The following ST7 variants were observed in gnomAD, a reference collection of about 807,000 sequenced individuals.
ST7 encodes the protein suppressor of tumorigenicity 7 protein.
Under a neutral mutation model 78.7 loss-of-function variants are expected in ST7, and 28 were observed. The ratio of observed to expected loss-of-function variants is 0.36; its 90% CI spans 0.26 to 0.49. ST7 has a LOEUF of 0.49. Among genes scored for constraint, ST7 ranks in the 20% least tolerant of loss-of-function variants. The pLI is 0.99. For synonymous variants in ST7, 247 were observed against 249.6 expected (o/e 0.99, Z 0.10); for missense variants, 418 against 696.0 (o/e 0.60, Z 4.49).
intron 12 of ST7, among the ~76,000 whole-genome samples, chr7:117,194,925 C>A (rs905287360): frequency 2.6e-5 from 4 of 152,116 alleles, no homozygotes; most frequent in Non-Finnish European, 4.4e-5. Context: ...CCTTTCACTG[C>A]GAGGAGACAC....
intron 1 of ST7, among the ~76,000 whole-genome samples, chr7:116,970,116 CA>C (rs143823862): frequency 6.6e-6 from 1 of 151,810 alleles, no homozygotes; most frequent in African/African-American, 2.4e-5. Flanking sequence ...ACAAAAACAA[CA>C]AAAAAAGGAA....
intron 9 of ST7, among the ~76,000 whole-genome samples, chr7:117,154,660 C>T (rs957160820): frequency 2.6e-5 from 4 of 152,152 alleles, no homozygotes; most frequent in African/African-American, 9.7e-5. Context: ...GAGGTAAATC[C>T]TGGAGGTTTA....
chr7:117,047,719 T>G (rs919913562), intron 1 of ST7, among the ~76,000 whole-genome samples: 1 of 152,182 alleles, frequency 6.6e-6, no homozygotes, highest in Non-Finnish European at 1.5e-5. Context: ...GCTGGGGATG[T>G]TTTTCGTGGT....
intron 10 of ST7, among the ~76,000 whole-genome samples, chr7:117,187,176 A>G (rs2117369418): frequency 6.6e-6 from 1 of 152,324 alleles, no homozygotes; most frequent in South Asian, 2.1e-4. Flanking sequence ...CATTGAAAAT[A>G]TCTAAATAAA....
chr7:116,971,074 C>T (rs988402911), intron 1 of ST7, among the ~76,000 whole-genome samples: 19 of 152,046 alleles, frequency 1.2e-4, no homozygotes, highest in Admixed American at 1.2e-3. Context: ...GAAACCTTAC[C>T]AGAAAATGGG....
At chr7:117,030,400 C>T (rs1241303295) in intron 1 of ST7, among the ~76,000 whole-genome samples, 2 of 152,082 alleles carry the variant, frequency 1.3e-5, no homozygotes, top group African/African-American at 4.8e-5. Context: ...CTTAAATAAC[C>T]TGGAAAGTGA....
chr7:117,213,075 C>T (rs1457630066), intron 13 of ST7, among the ~76,000 whole-genome samples: 2 of 152,182 alleles, frequency 1.3e-5, no homozygotes, highest in African/African-American at 2.4e-5. Context: ...TGCCATACCC[C>T]ACCCACCCCA....
chr7:116,982,257 T>A (rs545443594), intron 1 of ST7, among the ~76,000 whole-genome samples: 65 of 152,290 alleles, frequency 4.3e-4, no homozygotes, highest in African/African-American at 1.5e-3. Flanking sequence ...AGACTTTTGC[T>A]CTTGTTGCCT....
At chr7:117,174,401 C>T (rs924803710) in intron 10 of ST7, among the ~76,000 whole-genome samples, 22 of 152,208 alleles carry the variant, frequency 1.4e-4, no homozygotes, top group African/African-American at 4.6e-4. Context: ...GTTGTTAGCC[C>T]CATTTTGCAG....
chr7:117,136,319 A>G (rs1400675109), intron 8 of ST7, 84 bp downstream of exon 8: 31 of 1,518,410 alleles, frequency 2.0e-5, no homozygotes, highest in Non-Finnish European at 2.6e-5. Flanking sequence ...CCAGTTCAAA[A>G]TATGATTCTC....
chr7:117,036,171 G>A (rs558623341), intron 1 of ST7, among the ~76,000 whole-genome samples: 11 of 152,162 alleles, frequency 7.2e-5, no homozygotes, highest in Non-Finnish European at 1.3e-4. Context: ...CGCATATTAA[G>A]TTTTGACTTT....
intron 1 of ST7, among the ~76,000 whole-genome samples, chr7:117,034,619 T>C (rs1224575781): frequency 6.6e-6 from 1 of 152,246 alleles, no homozygotes; most frequent in Non-Finnish European, 1.5e-5. Flanking sequence ...TTAAGGAGAC[T>C]CTAAATACTA....
At chr7:116,962,865 G>C (rs1792902188) in intron 1 of ST7, among the ~76,000 whole-genome samples, 1 of 152,124 alleles carries the variant, frequency 6.6e-6, no homozygotes. Context: ...TTCCTATTTG[G>C]ATGTCTGGGC....
intron 12 of ST7, among the ~76,000 whole-genome samples, chr7:117,195,842 A>C (rs1432953342): frequency 6.6e-6 from 1 of 152,132 alleles, no homozygotes; most frequent in East Asian, 1.9e-4. Context: ...TATGCACATC[A>C]CTGTACAGTA....
At chr7:117,078,693 G>A (rs1433390656) in intron 1 of ST7, among the ~76,000 whole-genome samples, 1 of 152,314 alleles carries the variant, frequency 6.6e-6, no homozygotes. Context: ...AGAACAAGAA[G>A]AGTCATGGTT....
At chr7:116,975,444 GT>G (rs1793652455) in intron 1 of ST7, among the ~76,000 whole-genome samples, 1 of 151,752 alleles carries the variant, frequency 6.6e-6, no homozygotes, top group East Asian at 1.9e-4. Flanking sequence ...ATCTCGCTTT[GT>G]CTCCCAGGCT....
At chr7:117,070,009 G>T (rs948556522) in intron 1 of ST7, among the ~76,000 whole-genome samples, 3 of 152,208 alleles carry the variant, frequency 2.0e-5, no homozygotes, top group African/African-American at 7.2e-5. Flanking sequence ...TGAAATTGAT[G>T]CTCTAGAAAG....
chr7:117,051,591 G>A (rs978627994), intron 1 of ST7, among the ~76,000 whole-genome samples: 14 of 152,180 alleles, frequency 9.2e-5, no homozygotes, highest in Admixed American at 5.2e-4. Flanking sequence ...TCTAATGTTT[G>A]TATTATATGG....
At chr7:117,205,430 A>G (rs1322942538) in intron 12 of ST7, among the ~76,000 whole-genome samples, 3 of 152,124 alleles carry the variant, frequency 2.0e-5, no homozygotes, top group Non-Finnish European at 4.4e-5. Flanking sequence ...TGATTTTCAT[A>G]TGACTTATGC....
Sources: gnomAD v4.1 joint callset for allele counts (sites outside exome capture counted in the v4.1 genomes callset) on GRCh38, gnomAD v4.1.1 for gene constraint, MANE v1.5 for transcripts, NCBI Gene and HGNC (gene_info 2026-07-23, HGNC 2026-07-21) for gene names.